The following AGAP1 variants were observed in gnomAD, a reference collection of about 807,000 sequenced individuals.
AGAP1 encodes the protein ArfGAP with GTPase domain, ankyrin repeat and PH domain 1.
In AGAP1, 29 loss-of-function variants were observed where a neutral mutation model predicts 105.3. The observed-to-expected ratio is 0.28, with a 90% CI of 0.21 to 0.38. The LOEUF (loss-of-function observed/expected upper bound fraction) is 0.38. Ranked by LOEUF, AGAP1 falls within the 10% of genes least tolerant of loss-of-function variation. AGAP1 has a pLI of 1.00. For missense variants in AGAP1, 998 were observed against 1,165.1 expected (o/e 0.86, Z 2.09); for synonymous variants, 509 against 485.9 (o/e 1.05, Z -0.63).
chr2:235,967,387 T>G lies in AGAP1; in HGVS notation c.1484-1075T>G, dbSNP rs1443465741. Among the ~76,000 whole-genome samples, 2 of 152,160 alleles carry G rather than the reference T, an allele frequency of 1.3e-5. No individual in the cohort carries two copies. Among genetic ancestry groups the G allele is most frequent in the African/African-American group, 4.8e-5 (2 of 41,448 alleles). The stretch of plus-strand genomic sequence containing the variant: ...GATGCCCCGCGTTCCTATTCGGTCT[T>G]TCCCATAACTCTTACCAGCTTCTGA... On this transcript the variant is annotated intron_variant, in intron 12 of 17. Transcript: ENST00000304032. The surrounding 1 kb of genome is among the most constrained non-coding windows in gnomAD (Gnocchi z 4.7).
chr2:236,004,388 T>C (rs972143792), intron 13 of AGAP1, among the ~76,000 whole-genome samples: 4 of 152,230 alleles, frequency 2.6e-5, no homozygotes, highest in African/African-American at 4.8e-5. Context: ...AAACTTTTTT[T>C]CCCAGTGGGC....
chr2:235,519,231 C>A (rs921496597), intron 1 of AGAP1, among the ~76,000 whole-genome samples: 1 of 152,042 alleles, frequency 6.6e-6, no homozygotes, highest in Non-Finnish European at 1.5e-5. Context: ...CACCACCACA[C>A]CTGGCTAATT....
intron 9 of AGAP1, among the ~76,000 whole-genome samples, chr2:235,844,708 G>T (rs938010446): frequency 6.6e-6 from 1 of 152,080 alleles, no homozygotes; most frequent in Admixed American, 6.5e-5. Context: ...CATCTGAGTG[G>T]CCTCCTCTCC....
chr2:235,506,294 C>T (rs999471280), intron 1 of AGAP1, among the ~76,000 whole-genome samples: 4 of 151,998 alleles, frequency 2.6e-5, no homozygotes, highest in Admixed American at 6.6e-5. Flanking sequence ...AAGCCAGGTG[C>T]GGTGGCTAAT....
intron 9 of AGAP1, among the ~76,000 whole-genome samples, chr2:235,861,786 C>T (rs1200098482): frequency 2.0e-5 from 3 of 152,224 alleles, no homozygotes; most frequent in Non-Finnish European, 4.4e-5. Flanking sequence ...CATGACCCTT[C>T]ACCTTCTCTG....
intron 6 of AGAP1, among the ~76,000 whole-genome samples, chr2:235,770,942 C>A (rs1710822): frequency 0.29 from 43,458 of 151,828 alleles, 6,513 homozygotes; most frequent in Admixed American, 0.41. Flanking sequence ...TCTTGAATAC[C>A]TTCTGATTGG....
In AGAP1 at chr2:235,557,662, A is replaced by G. The variant is rs916285593; in HGVS notation, c.163+62813A>G. On this transcript the variant is annotated intron_variant, in intron 1 of 17. Coordinates refer to ENST00000304032, the MANE Select transcript of AGAP1 (RefSeq NM_001037131.3). This position sits in a 1 kb window ranked among gnomAD's most constrained non-coding sequence, Gnocchi z 4.7. ...AACTTTCCCTGCTGTCTGGATAAGG[A>G]AACTGAGGCACAGAGGGTCGAGGAA... 6.6e-5 allele frequency among the ~76,000 whole-genome samples: 10 copies of G among 152,092 alleles called. No homozygotes were observed. Among genetic ancestry groups the G allele is most frequent in the African/African-American group, 2.4e-4 (10 of 41,406 alleles).
chr2:235,589,752 G>A (rs948128884), intron 1 of AGAP1, among the ~76,000 whole-genome samples: 2 of 152,182 alleles, frequency 1.3e-5, no homozygotes, highest in Non-Finnish European at 2.9e-5. Flanking sequence ...GGTCATTTTA[G>A]TGTTTGTGTA....
rs772010019 is a variant in AGAP1 at position 235,799,534 on chromosome 2, C to T, written c.957+12C>T. On this transcript the variant is annotated intron_variant, in intron 8 of 17. Coordinates refer to ENST00000304032, the MANE Select transcript of AGAP1 (RefSeq NM_001037131.3). This position sits in a 1 kb window ranked among gnomAD's most constrained non-coding sequence, Gnocchi z 5.0. ...CCAACCTGTTCACCGTGAGTGTCAA[C>T]CCTGGGTGGAGATTTGAATGCGATT... The T allele has an allele frequency of 1.2e-6, 2 of 1,611,516 alleles. No homozygotes were observed. The highest frequency in any genetic ancestry group is 1.7e-6 in the Non-Finnish European group (2 of 1,177,964).
intron 16 of AGAP1, among the ~76,000 whole-genome samples, chr2:236,098,525 G>T (rs545114269): frequency 2.0e-5 from 3 of 151,522 alleles, no homozygotes; most frequent in Non-Finnish European, 4.4e-5. Flanking sequence ...AGCCAAGATT[G>T]CACCACTGCA....
intron 1 of AGAP1, among the ~76,000 whole-genome samples, chr2:235,539,226 A>G (rs1393410063): frequency 6.6e-6 from 1 of 152,232 alleles, no homozygotes; most frequent in African/African-American, 2.4e-5. Context: ...AATGTGTGCT[A>G]GGAAGGTTAC....
chr2:235,591,451 G>GGAT (rs778449441), intron 1 of AGAP1, among the ~76,000 whole-genome samples: 1 of 152,194 alleles, frequency 6.6e-6, no homozygotes, highest in Non-Finnish European at 1.5e-5. Flanking sequence ...AAAGGCGCAC[G>GGAT]GATTTGGGTT....
chr2:235,917,683 G>C (rs938752894), intron 11 of AGAP1, among the ~76,000 whole-genome samples: 1 of 152,186 alleles, frequency 6.6e-6, no homozygotes, highest in African/African-American at 2.4e-5. Flanking sequence ...CTCTGTTGCT[G>C]CTCCCGGAGA....
intron 9 of AGAP1, among the ~76,000 whole-genome samples, chr2:235,810,004 T>C (rs901433270): frequency 1.3e-5 from 2 of 152,170 alleles, no homozygotes; most frequent in Non-Finnish European, 2.9e-5. Flanking sequence ...AGCTAGGAAG[T>C]AGGTCCAAGG....
rs992108060 is a variant in AGAP1, at chr2:236,120,389, C to T, written c.2312C>T (p.Thr771Met). The T allele has an allele frequency of 3.1e-6, 5 of 1,611,492 alleles. No homozygotes were observed. Among genetic ancestry groups the T allele is most frequent in the Non-Finnish European group, 4.2e-6 (5 of 1,179,770 alleles). Residue 771 changes from threonine (T) to methionine (M), a missense_variant, in exon 17 of 18, where the codon ACG (threonine) becomes ATG (methionine). By Grantham distance (81) the Thr-to-Met change is moderately conservative. This residue lies in a region of AGAP1 where 235 missense variants were observed against 270.7 expected (regional missense o/e 0.87). Coordinates refer to ENST00000304032, the MANE Select transcript of AGAP1 (RefSeq NM_001037131.3). This position sits in a 1 kb window ranked among gnomAD's most constrained non-coding sequence, Gnocchi z 6.0. The stretch of plus-strand genomic sequence containing the variant: ...ACCTGCGGGGAGGGAGACGGCCGCA[C>T]GGCGCTGCATCTGGCCTGCCGCAAG... Reference protein sequence around the residue: ...NETCGEGDGRTALHLACRKGN... With the variant: ...NETCGEGDGRMALHLACRKGN...
chr2:235,786,148 T>A (rs1185566342), intron 6 of AGAP1, among the ~76,000 whole-genome samples: 1 of 152,236 alleles, frequency 6.6e-6, no homozygotes, highest in African/African-American at 2.4e-5. Flanking sequence ...GATCCTTGCC[T>A]GCCATCTAAA....
intron 9 of AGAP1, among the ~76,000 whole-genome samples, chr2:235,852,292 C>T (rs1004515907): frequency 1.4e-4 from 21 of 152,198 alleles, no homozygotes; most frequent in East Asian, 7.7e-4. Flanking sequence ...GAGAAGGGCC[C>T]GGGCGTGCAT....
At chr2:235,693,705 C>T (rs576579153) in intron 1 of AGAP1, among the ~76,000 whole-genome samples, 34 of 152,264 alleles carry the variant, frequency 2.2e-4, no homozygotes, top group South Asian at 2.1e-3. Context: ...CCCCACAAAA[C>T]ATTAGAAGTA....
Position 236,005,928 on chromosome 2 carries a change from C to G in AGAP1, c.1646-30633C>G, listed in dbSNP as rs1406876282. ...AAAGTCATTGTGCCCCTCCACAGCC[C>G]ATACTGAACTTTTGGAAGGAAGTCA... On this transcript the variant is annotated intron_variant, in intron 13 of 17. Coordinates refer to ENST00000304032, the MANE Select transcript of AGAP1 (RefSeq NM_001037131.3). The surrounding 1 kb of genome is among the most constrained non-coding windows in gnomAD (Gnocchi z 4.1). Among the ~76,000 whole-genome samples the G allele has an allele frequency of 6.6e-6, 1 of 152,202 alleles. No individual in the cohort carries two copies. The highest frequency in any genetic ancestry group is 1.5e-5 in the Non-Finnish European group (1 of 68,036).
Sources: gnomAD v4.1 joint callset for allele counts (sites outside exome capture counted in the v4.1 genomes callset) on GRCh38, gnomAD v4.1.1 for gene constraint, gnomAD v4.1.1 regional missense constraint, Gnocchi (gnomAD v3.1) non-coding constraint, MANE v1.5 for transcripts, NCBI Gene and HGNC (gene_info 2026-07-23, HGNC 2026-07-21) for gene names.